The following ARHGEF17 variants were observed in gnomAD, a reference collection of about 807,000 sequenced individuals.
ARHGEF17 encodes the protein Rho guanine nucleotide exchange factor 17.
Under a neutral mutation model 174.0 loss-of-function variants are expected in ARHGEF17, and 80 were observed. The observed-to-expected ratio is 0.46, with a 90% CI of 0.38 to 0.55. The LOEUF (loss-of-function observed/expected upper bound fraction) is 0.55, where lower values mean the gene tolerates loss of function less well. Ranked by LOEUF, ARHGEF17 falls within the 20% of genes least tolerant of loss-of-function variation. The probability of loss-of-function intolerance (pLI) is 0.00; values close to 1 mark genes in which losing one functional copy is unlikely to be tolerated. For synonymous variants in ARHGEF17, 1,311 were observed against 1,189.1 expected, an observed-to-expected ratio of 1.10 and a Z score of -2.11; for missense variants, 2,886 against 2,839.7, an observed-to-expected ratio of 1.02 and a Z score of -0.37.
intron 1 of ARHGEF17, among the ~76,000 whole-genome samples, chr11:73,321,952 T>C (rs1265609558): frequency 1.3e-5 from 2 of 152,018 alleles, no homozygotes; most frequent in African/African-American, 4.8e-5. Flanking sequence ...CAGGCCCTGC[T>C]CCCGCACAGC....
intron 6 of ARHGEF17, 164 bp downstream of exon 6, chr11:73,356,515 C>T (rs991430081): frequency 2.7e-6 from 3 of 1,126,966 alleles, no homozygotes; most frequent in Non-Finnish European, 3.8e-6. Context: ...CACACGTCTC[C>T]ACCTGTCTGT....
chr11:73,308,709 G>T lies in ARHGEF17; in HGVS notation c.71G>T (p.Gly24Val). Residue 24 changes from glycine to valine, a missense_variant, in exon 1 of 21, where the codon GGC becomes GTC. By Grantham distance (109) the Gly-to-Val change is moderately radical (BLOSUM62 -3). Around this residue, in one of 4 missense-constraint regions of ARHGEF17, gnomAD observed 1,728 missense variants for 1,461.2 expected, o/e 1.18. Transcript: ENST00000263674. ...TTCAAGCTGCTGGAGCGCTGGAGCG[G>T]CGGCCCCGGGCTGAGGGAGGAGGAC... ...VSFKLLERWS[G>V]GPGLREEDTD... The T allele has an allele frequency of 6.6e-7, 1 of 1,514,636 alleles. No homozygotes were observed. Among genetic ancestry groups the T allele is most frequent in the Non-Finnish European group, 8.8e-7 (1 of 1,135,636 alleles). 93.8% of individuals were successfully genotyped at this position (1,514,636 alleles called of 1,614,324 possible).
chr11:73,345,500 C>T (rs562096267), intron 1 of ARHGEF17, among the ~76,000 whole-genome samples: 1 of 152,070 alleles, frequency 6.6e-6, no homozygotes, highest in South Asian at 2.1e-4. Context: ...GTGGGTGTGC[C>T]ACAAGCAGAG....
chr11:73,361,957 T>G, intron 12 of ARHGEF17, 83 bp from the exon 13 acceptor site: 1 of 1,519,968 alleles, frequency 6.6e-7, no homozygotes, highest in Non-Finnish European at 8.9e-7. Flanking sequence ...CCTCCCTCCA[T>G]TCTGCCGGGG....
At chr11:73,337,942 A>G (rs1339811279) in intron 1 of ARHGEF17, among the ~76,000 whole-genome samples, 1 of 152,184 alleles carries the variant, frequency 6.6e-6, no homozygotes, top group Non-Finnish European at 1.5e-5. Context: ...CACTGTCCCC[A>G]TAGCAGGAAG....
In ARHGEF17 at chr11:73,309,225, G is replaced by T. The variant is rs770570521; in HGVS notation, c.587G>T (p.Arg196Met). 8.1e-6 allele frequency: 13 copies of T among 1,602,044 alleles called. No individual in the cohort carries two copies. In the East Asian group the frequency reaches 2.7e-4, roughly 34 times the overall value. ...RPLTGPETEGRLRRPQQQQER... is the reference protein window; with the variant it reads ...RPLTGPETEGMLRRPQQQQER... ...CTGACCGGGCCGGAGACCGAAGGGA[G>T]GCTGCGCCGGCCGCAGCAGCAACAG... Residue 196 changes from arginine (R) to methionine (M), a missense_variant, in exon 1 of 21, where the codon AGG becomes ATG. Coordinates refer to ENST00000263674, the MANE Select transcript of ARHGEF17 (RefSeq NM_014786.4).
intron 1 of ARHGEF17, among the ~76,000 whole-genome samples, chr11:73,319,793 A>T (rs973516046): frequency 9.2e-5 from 14 of 152,216 alleles, no homozygotes; most frequent in African/African-American, 3.1e-4. Context: ...CAAGGATCCT[A>T]GCCTCCTGAG....
chr11:73,353,233 A>C, intron 3 of ARHGEF17: 1 of 604,328 alleles, frequency 1.7e-6, no homozygotes, highest in Non-Finnish European at 2.9e-6. Context: ...TCTGGCACGG[A>C]CTCCGACCCC....
intron 1 of ARHGEF17, among the ~76,000 whole-genome samples, chr11:73,332,382 TG>T (rs1393644452): frequency 2.1e-5 from 3 of 142,792 alleles, no homozygotes; most frequent in African/African-American, 7.5e-5. Flanking sequence ...TGTGTGTGTG[TG>T]TGTGTGTGTG....
At chr11:73,356,095 C>T in intron 5 of ARHGEF17, 80 bp from the exon 6 acceptor site, 1 of 1,580,188 alleles carries the variant, frequency 6.3e-7, no homozygotes. Flanking sequence ...TTGGTGTCTA[C>T]CCATAGTCCC....
At chr11:73,345,341 C>G (rs907109111) in intron 1 of ARHGEF17, among the ~76,000 whole-genome samples, 1 of 152,112 alleles carries the variant, frequency 6.6e-6, no homozygotes, top group African/African-American at 2.4e-5. Context: ...AGCCAGCCCC[C>G]CTTCCTCCCT....
chr11:73,338,930 TAA>T (rs924844913), intron 1 of ARHGEF17, among the ~76,000 whole-genome samples: 3 of 152,110 alleles, frequency 2.0e-5, no homozygotes, highest in African/African-American at 7.2e-5. Context: ...CCAGGACGTG[TAA>T]AGTGATGGTA....
intron 1 of ARHGEF17, among the ~76,000 whole-genome samples, chr11:73,312,924 G>C (rs1280151395): frequency 6.6e-6 from 1 of 152,204 alleles, no homozygotes; most frequent in Admixed American, 6.5e-5. Context: ...ATGGGATCCA[G>C]ATGGCATATG....
At chr11:73,317,929 G>A (rs1229112601) in intron 1 of ARHGEF17, among the ~76,000 whole-genome samples, 1 of 152,182 alleles carries the variant, frequency 6.6e-6, no homozygotes, top group Admixed American at 6.5e-5. Flanking sequence ...GGACAGCCTG[G>A]TGTCTGTACT....
chr11:73,310,407 A>G lies in ARHGEF17; in HGVS notation c.1769A>G (p.Gln590Arg). 2.5e-6 allele frequency: 4 copies of G among 1,613,972 alleles called. No individual in the cohort carries two copies. Among genetic ancestry groups the G allele is most frequent in the Non-Finnish European group, 3.4e-6 (4 of 1,180,022 alleles). The change falls in exon 1 of 21, where the codon CAA (glutamine) becomes CGA (arginine). Residue 590 changes from glutamine to arginine, a missense_variant. Physicochemically the swap from Gln to Arg is conservative, Grantham distance 43 (BLOSUM62 1). Coordinates refer to ENST00000263674, the MANE Select transcript of ARHGEF17 (RefSeq NM_014786.4). Reference sequence around the variant, plus strand: ...CCGCTGCCCCTCATCGTCCAGGACCAATATGTGCAGGAGGCCCGCCAGGTT... The same window carrying G: ...CCGCTGCCCCTCATCGTCCAGGACCGATATGTGCAGGAGGCCCGCCAGGTT... ...EDPLPLIVQDQYVQEARQVFE... is the reference protein window; with the variant it reads ...EDPLPLIVQDRYVQEARQVFE...
In ARHGEF17 at chr11:73,365,486, G is replaced by A. The variant is rs141322412; in HGVS notation, c.5647G>A (p.Val1883Met). Residue 1883 changes from valine (V) to methionine (M), a missense_variant, in exon 19 of 21, where the codon GTG becomes ATG. Coordinates refer to ENST00000263674, the MANE Select transcript of ARHGEF17 (RefSeq NM_014786.4). This position sits in a 1 kb window ranked among gnomAD's most constrained non-coding sequence, Gnocchi z 4.9. The part of the protein sequence containing the change: ...VWVTLKGSAH[V>M]CLYHPDTFEQ... ...GGTGACATTGAAAGGTAGTGCCCAC[G>A]TGTGTCTCTACCATCCAGACACCTT... 4.3e-4 allele frequency: 692 copies of A among 1,614,080 alleles called. 4 individuals carry two copies. In the Middle Eastern group the frequency reaches 5.9e-3, roughly 14 times the overall value.
chr11:73,361,036 A>G, intron 11 of ARHGEF17, 52 bp from the exon 12 acceptor site: 1 of 1,483,376 alleles, frequency 6.7e-7, no homozygotes, highest in Non-Finnish European at 9.4e-7. Context: ...GACCAGGGTG[A>G]GATGGATGCT....
rs1433553740 is a variant in ARHGEF17 at position 73,314,223 on chromosome 11, C to T, written c.3192+2393C>T. 1.4e-4 allele frequency among the ~76,000 whole-genome samples: 22 copies of T among 152,226 alleles called. 1 individual carries two copies. Among genetic ancestry groups the T allele is most frequent in the Admixed American group, 1.4e-3 (21 of 15,286 alleles). ...AAGCCTGAGGCTCCAGTCATGCTCC[C>T]TGGGCCGTGGGTGGAGATGGCGTGG... is the stretch of plus-strand genomic sequence containing the variant. On this transcript the variant is annotated intron_variant, in intron 1 of 20. Transcript: ENST00000263674.
At chr11:73,348,459 A>G (rs149375447) in intron 2 of ARHGEF17, among the ~76,000 whole-genome samples, 67 of 152,316 alleles carry the variant, frequency 4.4e-4, no homozygotes, top group Admixed American at 4.6e-4. Flanking sequence ...AAATTCTGAC[A>G]TCCTACAACA....
Sources: allele counts gnomAD v4.1 joint callset (sites outside exome capture counted in the v4.1 genomes callset), GRCh38; gene constraint gnomAD v4.1.1; regional missense constraint gnomAD v4.1.1; non-coding constraint Gnocchi (gnomAD v3.1); transcripts MANE v1.5; gene names NCBI Gene and HGNC (gene_info 2026-07-23, HGNC 2026-07-21).